ATP7B: variants seen among roughly 807,000 people sequenced by gnomAD.
ATP7B encodes the protein copper-transporting ATPase 2.
A neutral mutation model predicts 118.9 loss-of-function variants in ATP7B; 113 were observed. That is an observed-to-expected ratio of 0.95 (90% CI 0.82 to 1.11). ATP7B has a LOEUF of 1.11. Among genes scored for constraint, ATP7B ranks in the 50% most tolerant of loss-of-function variants. The pLI, the probability that ATP7B is intolerant of heterozygous loss-of-function variation, is 0.00. For synonymous variants in ATP7B, 777 were observed against 727.4 expected (o/e 1.07, Z -1.10); for missense variants, 1,867 against 1,871.4 (o/e 1.00, Z 0.04).
intron 12 of ATP7B, among the ~76,000 whole-genome samples, chr13:51,949,063 C>T (rs1367871427): frequency 2.0e-5 from 3 of 151,958 alleles, no homozygotes; most frequent in African/African-American, 7.3e-5. Flanking sequence ...GCCTGTAGTC[C>T]CAGCTACTTG....
intron 1 of ATP7B, among the ~76,000 whole-genome samples, chr13:51,986,331 C>G (rs1952648106): frequency 6.6e-6 from 1 of 152,166 alleles, no homozygotes; most frequent in Non-Finnish European, 1.5e-5. Flanking sequence ...TGGATAAATT[C>G]CTGGACACAT....
upstream of ATP7B, chr13:52,011,876 G>A (rs1954049752): frequency 3.7e-6 from 1 of 273,768 alleles, no homozygotes; most frequent in Non-Finnish European, 7.1e-6. Context: ...TCAGCTCCCA[G>A]GGCTCACCCA....
Position 52,011,443 on chromosome 13 carries a change from A to T in ATP7B, c.-106T>A. 7.5e-6 allele frequency: 11 copies of T among 1,469,896 alleles called. No homozygotes were observed. The South Asian group carries it at 1.2e-4, about 15-fold the overall frequency. The allele number at this position is 1,469,896 out of a possible 1,614,324, so 91.1% of individuals were successfully genotyped here. On this transcript the variant is annotated 5_prime_UTR_variant, in exon 1 of 21. Coordinates refer to ENST00000242839, the MANE Select transcript of ATP7B (RefSeq NM_000053.4). ...TAAAGTCCCGGGAGAGGAGGCGCAG[A>T]GTGTGAGGGCATCGGCGCGGCTCGG...
intron 3 of ATP7B, 123 bp downstream of exon 3, chr13:51,970,369 T>G: frequency 7.4e-7 from 1 of 1,348,758 alleles, no homozygotes; most frequent in South Asian, 1.2e-5. Context: ...ATTTATGCTA[T>G]ATAATGAACT....
chr13:51,973,851 C>T (rs1451606833), intron 2 of ATP7B, 84 bp downstream of exon 2: 4 of 1,588,790 alleles, frequency 2.5e-6, no homozygotes, highest in Non-Finnish European at 3.5e-6. Flanking sequence ...GGGAGCAGGG[C>T]TCACCTATAC....
At chr13:51,998,142 C>T (rs1047142254) in intron 1 of ATP7B, among the ~76,000 whole-genome samples, 2 of 152,174 alleles carry the variant, frequency 1.3e-5, no homozygotes, top group Non-Finnish European at 2.9e-5. Flanking sequence ...AGCTCTCTCC[C>T]TTATCTGAAT....
Position 51,937,510 on chromosome 13 carries a change from A to G in ATP7B, c.3869T>C (p.Val1290Ala). Reference protein sequence around the residue: ...MGVAIGTGTDVAIEAADVVLI... With the variant: ...MGVAIGTGTDAAIEAADVVLI... Reference sequence around the variant, plus strand: ...GACGACGTCGGCTGCCTCGATGGCCACATCCGTGCCGGTGCCAATGGCCAC... The same window carrying G: ...GACGACGTCGGCTGCCTCGATGGCCGCATCCGTGCCGGTGCCAATGGCCAC... The change falls in exon 18 of 21, where the codon GTG (valine) becomes GCG (alanine). Residue 1290 changes from valine (V) to alanine (A), a missense_variant. Coordinates refer to ENST00000242839, the MANE Select transcript of ATP7B (RefSeq NM_000053.4). 1 of 1,614,186 alleles carries G rather than the reference A, an allele frequency of 6.2e-7. No homozygotes were observed. Among genetic ancestry groups the G allele is most frequent in the Non-Finnish European group, 8.5e-7 (1 of 1,180,030 alleles).
At chr13:51,987,718 T>G (rs932865102) in intron 1 of ATP7B, among the ~76,000 whole-genome samples, 1 of 152,138 alleles carries the variant, frequency 6.6e-6, no homozygotes, top group African/African-American at 2.4e-5. Context: ...AACAGAGATA[T>G]AGACCAATGG....
rs558617899 is a variant in ATP7B, at chr13:51,943,137, C to T, written c.3244-583G>A. 1.8e-4 allele frequency among the ~76,000 whole-genome samples: 27 copies of T among 152,254 alleles called. No individual in the cohort carries two copies. The South Asian group carries it at 5.2e-3, about 29-fold the overall frequency. ...GCTCCCAAAGGGTAGAGTTCACATC[C>T]CACTTCTGTTGTTCTCCTGAGCCTG... On this transcript the variant is annotated intron_variant, in intron 14 of 20. Coordinates refer to ENST00000242839, the MANE Select transcript of ATP7B (RefSeq NM_000053.4).
chr13:51,934,558 G>T lies in ATP7B; in HGVS notation c.*198C>A. ...ACGGTCCCGTGAGGCCAAGAGGCAG[G>T]CAGGGCCGTCCTCTCCAGGCCAAGC... On this transcript the variant is annotated 3_prime_UTR_variant, in exon 21 of 21. Transcript: ENST00000242839. 1.2e-6 allele frequency: 1 copy of T among 806,154 alleles called. No homozygotes were observed. The highest frequency in any genetic ancestry group is 2.0e-6 in the Non-Finnish European group (1 of 507,020). The allele number at this position is 806,154 out of a possible 1,614,324, so 49.9% of individuals were successfully genotyped here. A position where few individuals can be genotyped will look rare whatever the true frequency, so the allele number is the denominator to read the frequency against.
intron 1 of ATP7B, among the ~76,000 whole-genome samples, chr13:52,005,092 C>T (rs958590748): frequency 1.3e-5 from 2 of 152,192 alleles, no homozygotes; most frequent in Non-Finnish European, 2.9e-5. Context: ...ATGGTCCTCT[C>T]CCTCCTGCCC....
chr13:51,966,722 C>T (rs1227183469), intron 4 of ATP7B: 16 of 1,567,142 alleles, frequency 1.0e-5, no homozygotes, highest in Non-Finnish European at 1.3e-5. Context: ...GCTCTGCACG[C>T]CAGCCCGCCC....
At chr13:51,940,483 A>G in intron 16 of ATP7B, among the ~76,000 whole-genome samples, 1 of 151,472 alleles carries the variant, frequency 6.6e-6, no homozygotes, top group East Asian at 2.0e-4. Context: ...CGTCTCTACT[A>G]AAAATACAAA....
chr13:51,962,013 G>A, intron 5 of ATP7B, 100 bp from the exon 6 acceptor site: 1 of 989,174 alleles, frequency 1.0e-6, no homozygotes. Context: ...ATTAGAAAGT[G>A]AATCTAAAAG....
At chr13:51,938,081 C>T (rs558375426) in intron 17 of ATP7B, among the ~76,000 whole-genome samples, 2 of 152,154 alleles carry the variant, frequency 1.3e-5, no homozygotes, top group African/African-American at 2.4e-5. Flanking sequence ...GGTCTGCTTC[C>T]GAGGGTCCCA....
rs1228043161 is a variant in ATP7B at position 51,935,048 on chromosome 13, A to G, written c.4125-19T>C. On this transcript the variant is annotated intron_variant, in intron 20 of 20. Coordinates refer to ENST00000242839, the MANE Select transcript of ATP7B (RefSeq NM_000053.4). ...CTTATAGCTGGAAAGCAGGAACGCA[A>G]CAGCATCTGAGCCATTCTAGAAACA... is the stretch of plus-strand genomic sequence containing the variant. 19 of 1,612,808 alleles carry G rather than the reference A, an allele frequency of 1.2e-5. No homozygotes were observed. Among genetic ancestry groups the G allele is most frequent in the Non-Finnish European group, 1.6e-5 (19 of 1,179,888 alleles).
At chr13:51,945,123 T>C (rs900130360) in intron 13 of ATP7B, among the ~76,000 whole-genome samples, 2 of 152,194 alleles carry the variant, frequency 1.3e-5, no homozygotes, top group Admixed American at 6.5e-5. Flanking sequence ...CCAGGGATTC[T>C]TGCCAGCTTT....
At chr13:51,947,104 T>C (rs1686183501) in intron 12 of ATP7B, among the ~76,000 whole-genome samples, 1 of 152,204 alleles carries the variant, frequency 6.6e-6, no homozygotes, top group Non-Finnish European at 1.5e-5. Flanking sequence ...GTGATGTATA[T>C]AATGGGATAC....
chr13:51,935,875 A>G (rs988920836), intron 19 of ATP7B, among the ~76,000 whole-genome samples, 180 bp from the exon 20 acceptor site: 2 of 152,206 alleles, frequency 1.3e-5, no homozygotes, highest in African/African-American at 4.8e-5. Flanking sequence ...CTTCCTAGAA[A>G]GCTGGGTGTG....
Sources: allele counts gnomAD v4.1 joint callset (sites outside exome capture counted in the v4.1 genomes callset), GRCh38; gene constraint gnomAD v4.1.1; transcripts MANE v1.5; gene names NCBI Gene and HGNC (gene_info 2026-07-23, HGNC 2026-07-21).